Variants in PRKN observed in about 807,000 individuals in gnomAD.
PRKN encodes E3 ubiquitin-protein ligase parkin.
A neutral mutation model predicts 59.5 loss-of-function variants in PRKN; 56 were observed. The observed-to-expected ratio is 0.94, with a 90% CI of 0.76 to 1.18. The LOEUF is 1.18. Ranked by LOEUF, PRKN falls within the 50% of genes most tolerant of loss-of-function variation. The pLI, the probability that PRKN is intolerant of heterozygous loss-of-function variation, is 0.00. For synonymous variants in PRKN, 250 were observed against 222.1 expected (o/e 1.13, Z -1.12); for missense variants, 657 against 596.4 (o/e 1.10, Z -1.06).
At chr6:162,021,102 CAAAA>C (rs375989505) in intron 5 of PRKN, among the ~76,000 whole-genome samples, 11 of 82,060 alleles carry the variant, frequency 1.3e-4, no homozygotes, top group South Asian at 4.3e-4. Flanking sequence ...GACTCTGTCT[CAAAA>C]AAAAAACAAA....
chr6:162,036,891 T>C, intron 5 of PRKN, among the ~76,000 whole-genome samples: 1 of 152,118 alleles, frequency 6.6e-6, no homozygotes, highest in East Asian at 1.9e-4. Context: ...ATAACCATAA[T>C]AGTAAGCAAT....
chr6:162,536,723 A>G (rs1778736662), intron 1 of PRKN, among the ~76,000 whole-genome samples: 1 of 152,186 alleles, frequency 6.6e-6, no homozygotes, highest in Admixed American at 6.5e-5. Flanking sequence ...TTGGTCCATG[A>G]CATTCATATG....
chr6:161,483,029 C>T lies in PRKN; in HGVS notation c.1083+65825G>A, dbSNP rs1443818125. On this transcript the variant is annotated intron_variant, in intron 9 of 11. Transcript: ENST00000366898. The surrounding 1 kb of genome is among the most constrained non-coding windows in gnomAD (Gnocchi z 5.0). ...GGCAGTACAGAATTCTTCCTTCTCC[C>T]TCGGCTTCTTTTTAAGTTTGAGAGT... is the stretch of plus-strand genomic sequence containing the variant. 6.6e-6 allele frequency among the ~76,000 whole-genome samples: 1 copy of T among 152,044 alleles called. No homozygotes were observed. Among genetic ancestry groups the T allele is most frequent in the African/African-American group, 2.4e-5 (1 of 41,396 alleles).
At chr6:162,208,927 C>T (rs1373290171) in intron 3 of PRKN, among the ~76,000 whole-genome samples, 1 of 152,132 alleles carries the variant, frequency 6.6e-6, no homozygotes, top group Non-Finnish European at 1.5e-5. Context: ...CCCTTCCTTA[C>T]ACCTTATACA....
intron 4 of PRKN, among the ~76,000 whole-genome samples, chr6:162,159,171 C>T (rs1039031273): frequency 6.6e-6 from 1 of 150,808 alleles, no homozygotes; most frequent in South Asian, 2.1e-4. Flanking sequence ...CTATTAAATT[C>T]TGCCGATCTT....
At chr6:161,965,749 A>C (rs1409261823) in intron 6 of PRKN, among the ~76,000 whole-genome samples, 1 of 152,052 alleles carries the variant, frequency 6.6e-6, no homozygotes, top group Non-Finnish European at 1.5e-5. Context: ...CTTCCAGCCT[A>C]TAGGTAAATT....
intron 1 of PRKN, among the ~76,000 whole-genome samples, chr6:162,707,521 T>A (rs771978486): frequency 2.0e-5 from 3 of 152,174 alleles, no homozygotes; most frequent in Non-Finnish European, 4.4e-5. Flanking sequence ...TGTATTGATT[T>A]TAAAAATTTC....
intron 1 of PRKN, among the ~76,000 whole-genome samples, chr6:162,463,385 C>A (rs185670556): frequency 1.1e-4 from 16 of 152,220 alleles, no homozygotes; most frequent in African/African-American, 3.9e-4. Context: ...CATGGGTCTC[C>A]GGCCTTCTGC....
chr6:162,138,674 CATG>C (rs1781648947), intron 4 of PRKN, among the ~76,000 whole-genome samples: 1 of 151,486 alleles, frequency 6.6e-6, no homozygotes, highest in African/African-American at 2.4e-5. Flanking sequence ...GAAAGAGGAT[CATG>C]ATGAGGAGAA....
intron 1 of PRKN, among the ~76,000 whole-genome samples, chr6:162,451,840 T>G (rs1417308249): frequency 6.6e-6 from 1 of 152,144 alleles, no homozygotes; most frequent in African/African-American, 2.4e-5. Flanking sequence ...TGCCCTCAAA[T>G]TTTAATATGT....
intron 6 of PRKN, among the ~76,000 whole-genome samples, chr6:161,911,846 A>C (rs1038125197): frequency 6.6e-6 from 1 of 152,104 alleles, no homozygotes; most frequent in African/African-American, 2.4e-5. Flanking sequence ...ATAAAATAAA[A>C]ATTCAAGTGC....
At chr6:162,396,119 A>C (rs1013427990) in intron 2 of PRKN, among the ~76,000 whole-genome samples, 1 of 150,904 alleles carries the variant, frequency 6.6e-6, no homozygotes, top group African/African-American at 2.4e-5. Flanking sequence ...AAGAGTTACT[A>C]TTGCAGAGCT....
chr6:162,620,958 T>C (rs1782638762), intron 1 of PRKN, among the ~76,000 whole-genome samples: 1 of 152,244 alleles, frequency 6.6e-6, no homozygotes, highest in Admixed American at 6.5e-5. Context: ...AAGACACTGC[T>C]TTGATAGCTT....
Position 162,718,538 on chromosome 6 carries a change from C to T in PRKN, c.7+9124G>A, listed in dbSNP as rs893099214. On this transcript the variant is annotated intron_variant, in intron 1 of 11. Coordinates refer to ENST00000366898, the MANE Select transcript of PRKN (RefSeq NM_004562.3). ...CATCCTGACTAACACGGTGATACCC[C>T]GTCTATACTAAAAATACAAAAAAAA... Among the ~76,000 whole-genome samples, 61 of 151,922 alleles carry T rather than the reference C, an allele frequency of 4.0e-4. 1 individual carries two copies. The highest frequency in any genetic ancestry group is 7.2e-4 in the Non-Finnish European group (49 of 68,016).
intron 10 of PRKN, among the ~76,000 whole-genome samples, chr6:161,367,994 T>C (rs1785278559): frequency 6.6e-6 from 1 of 152,092 alleles, no homozygotes; most frequent in Non-Finnish European, 1.5e-5. Flanking sequence ...CTGCCTGGGT[T>C]CATACTCCAG....
intron 5 of PRKN, among the ~76,000 whole-genome samples, chr6:162,033,890 C>T (rs1327101057): frequency 6.6e-6 from 1 of 151,974 alleles, no homozygotes; most frequent in Admixed American, 6.6e-5. Context: ...TTGTAGAATG[C>T]ATGAATCAAT....
intron 9 of PRKN, among the ~76,000 whole-genome samples, chr6:161,469,551 G>C (rs1349908740): frequency 2.0e-5 from 3 of 146,408 alleles, no homozygotes; most frequent in Admixed American, 6.7e-5. Flanking sequence ...AAGAGAAAGA[G>C]AGAGAGAGAG....
In PRKN at chr6:161,460,123, T is replaced by C. The variant is rs957091562; in HGVS notation, c.1084-73246A>G. 2.0e-5 allele frequency among the ~76,000 whole-genome samples: 3 copies of C among 152,216 alleles called. No individual in the cohort carries two copies. The highest frequency in any genetic ancestry group is 4.4e-5 in the Non-Finnish European group (3 of 68,040). On this transcript the variant is annotated intron_variant, in intron 9 of 11. Transcript: ENST00000366898. This position sits in a 1 kb window ranked among gnomAD's most constrained non-coding sequence, Gnocchi z 5.0. ...ACGAACAAATATAAACAGCAATTGA[T>C]CCTACCCTCAATAAGTCATCTGCTT...
At chr6:162,658,254 C>CTAG (rs1778728905) in intron 1 of PRKN, among the ~76,000 whole-genome samples, 1 of 152,218 alleles carries the variant, frequency 6.6e-6, no homozygotes, top group Non-Finnish European at 1.5e-5. Context: ...TCTGTAGAGT[C>CTAG]TAGCTCTTTA....
Sources: allele counts gnomAD v4.1 joint callset (sites outside exome capture counted in the v4.1 genomes callset), GRCh38; gene constraint gnomAD v4.1.1; non-coding constraint Gnocchi (gnomAD v3.1); transcripts MANE v1.5; gene names NCBI Gene and HGNC (gene_info 2026-07-23, HGNC 2026-07-21).